The following CSGALNACT1 variants were observed in gnomAD, a reference collection of about 807,000 sequenced individuals.
CSGALNACT1 encodes chondroitin sulfate N-acetylgalactosaminyltransferase 1.
In CSGALNACT1, 52 loss-of-function variants were observed where a neutral mutation model predicts 51.0. The observed-to-expected ratio is 1.02, with a 90% CI of 0.82 to 1.29. The LOEUF is 1.29. Among genes scored for constraint, CSGALNACT1 ranks in the 50% most tolerant of loss-of-function variants. CSGALNACT1 has a pLI of 0.00. For missense variants in CSGALNACT1, 935 were observed against 679.2 expected, an observed-to-expected ratio of 1.38 and a Z score of -4.19; for synonymous variants, 341 against 254.4, an observed-to-expected ratio of 1.34 and a Z score of -3.24.
intron 1 of CSGALNACT1, among the ~76,000 whole-genome samples, chr8:19,673,158 C>A (rs2059920890): frequency 6.6e-6 from 1 of 152,204 alleles, no homozygotes; most frequent in East Asian, 1.9e-4. Context: ...CTGAGAAGGA[C>A]CCACACAGCC....
chr8:19,724,468 T>A (rs906803810), intron 1 of CSGALNACT1, among the ~76,000 whole-genome samples: 2 of 152,228 alleles, frequency 1.3e-5, no homozygotes, highest in Admixed American at 1.3e-4. Context: ...TCTGCCTTCA[T>A]CACCACCTCT....
intron 4 of CSGALNACT1, among the ~76,000 whole-genome samples, chr8:19,478,413 CAAAAAAAAAAAAAAA>C (rs55767885): frequency 1.4e-5 from 1 of 70,820 alleles, no homozygotes; most frequent in Non-Finnish European, 2.6e-5. Context: ...GACTCCGTCT[CAAAAAAAAAAAAAAA>C]AAAAAAAAAA....
At chr8:19,466,603 C>T (rs1019957569) in intron 4 of CSGALNACT1, among the ~76,000 whole-genome samples, 1 of 152,204 alleles carries the variant, frequency 6.6e-6, no homozygotes, top group Non-Finnish European at 1.5e-5. Context: ...ATAAATGAGA[C>T]ACTATTACAG....
intron 3 of CSGALNACT1, among the ~76,000 whole-genome samples, chr8:19,577,894 T>C (rs2044641501): frequency 6.6e-6 from 1 of 152,332 alleles, no homozygotes; most frequent in East Asian, 1.9e-4. Context: ...ACTATTGGCA[T>C]CACATCACAT....
intron 1 of CSGALNACT1, among the ~76,000 whole-genome samples, chr8:19,741,018 A>G (rs527372240): frequency 6.6e-5 from 10 of 152,370 alleles, no homozygotes; most frequent in Middle Eastern, 3.4e-3. Context: ...GAATGAGGTC[A>G]TGAACTCAAC....
intron 6 of CSGALNACT1, among the ~76,000 whole-genome samples, chr8:19,426,563 GCAGTTCCACTAA>G (rs1405202338): frequency 6.6e-6 from 1 of 152,136 alleles, no homozygotes; most frequent in Non-Finnish European, 1.5e-5. Flanking sequence ...AACTGAACGT[GCAGTTCCACTAA>G]CATCACATGA....
intron 1 of CSGALNACT1, among the ~76,000 whole-genome samples, chr8:19,641,409 T>G (rs551418715): frequency 6.6e-6 from 1 of 152,292 alleles, no homozygotes; most frequent in African/African-American, 2.4e-5. Context: ...CTGCTGAGAC[T>G]TGGAGCAGCA....
At chr8:19,495,500 A>T (rs2075296827) in intron 4 of CSGALNACT1, among the ~76,000 whole-genome samples, 1 of 152,302 alleles carries the variant, frequency 6.6e-6, no homozygotes, top group African/African-American at 2.4e-5. Context: ...TCTAACTTTG[A>T]AAGTCAGAAT....
Position 19,667,015 on chromosome 8 carries a change from GAAAGGAAGGAAGGAAGGAAGGAAGGAA to G in CSGALNACT1, c.-544+15431_-544+15457del, listed in dbSNP as rs1564386311. 9.2e-3 allele frequency among the ~76,000 whole-genome samples: 286 copies of G among 31,214 alleles called. 1 individual carries two copies. Among genetic ancestry groups the G allele is most frequent in the Non-Finnish European group, 0.011 (185 of 17,114 alleles). The allele number at this position is 31,214 out of a possible 152,430, so 20.5% of individuals were successfully genotyped here. ...AGAAAGAAAGAAAGAAAGAAAGAAA[GAAAGGAAGGAAGGAAGGAAGGAAGGAA>G]GAAAGAAAGAAAGAAAGAAAGAAAG... is the stretch of plus-strand genomic sequence containing the variant. On this transcript the variant is annotated intron_variant, in intron 1 of 9. Coordinates refer to the CSGALNACT1 transcript ENST00000332246.
chr8:19,409,500 TAGAGAGAGAG>T (rs61540555), intron 8 of CSGALNACT1, among the ~76,000 whole-genome samples: 196 of 139,970 alleles, frequency 1.4e-3, no homozygotes, highest in African/African-American at 4.9e-3. Context: ...TATATATATA[TAGAGAGAGAG>T]AGAGAGAGAG....
At chr8:19,704,277 C>T (rs1236028370) in intron 1 of CSGALNACT1, among the ~76,000 whole-genome samples, 5 of 152,054 alleles carry the variant, frequency 3.3e-5, no homozygotes, top group African/African-American at 7.2e-5. Flanking sequence ...CCTTCCAGGC[C>T]GATATTATAT....
At chr8:19,630,895 G>C (rs1180822310) in intron 1 of CSGALNACT1, among the ~76,000 whole-genome samples, 1 of 151,982 alleles carries the variant, frequency 6.6e-6, no homozygotes, top group Non-Finnish European at 1.5e-5. Context: ...CCTCCCTACA[G>C]TTTCCCCCTT....
intron 1 of CSGALNACT1, among the ~76,000 whole-genome samples, chr8:19,705,178 GTA>G (rs1490537867): frequency 1.3e-5 from 2 of 152,174 alleles, no homozygotes; most frequent in Non-Finnish European, 2.9e-5. Context: ...CACCTTAACT[GTA>G]TGTAATTTTT....
intron 1 of CSGALNACT1, among the ~76,000 whole-genome samples, chr8:19,728,390 ATTC>A (rs1384729370): frequency 6.6e-6 from 1 of 152,208 alleles, no homozygotes; most frequent in East Asian, 1.9e-4. Flanking sequence ...AATATCAAGC[ATTC>A]TTTGTGCAAT....
intron 1 of CSGALNACT1, among the ~76,000 whole-genome samples, chr8:19,638,710 G>C (rs1740913893): frequency 6.6e-6 from 1 of 152,066 alleles, no homozygotes; most frequent in Admixed American, 6.5e-5. Context: ...ATAGAATCCT[G>C]TTCTATAGTC....
intron 4 of CSGALNACT1, among the ~76,000 whole-genome samples, chr8:19,459,266 C>G (rs2064827278): frequency 6.6e-6 from 1 of 151,354 alleles, no homozygotes; most frequent in Non-Finnish European, 1.5e-5. Context: ...GCCTGTAACC[C>G]TGGCTACTTG....
At chr8:19,664,236 C>T (rs1351756434) in intron 1 of CSGALNACT1, among the ~76,000 whole-genome samples, 1 of 152,180 alleles carries the variant, frequency 6.6e-6, no homozygotes, top group Non-Finnish European at 1.5e-5. Context: ...ACTAGTTTTA[C>T]AGGATTGCAG....
At chr8:19,636,526 T>C (rs896983803) in intron 1 of CSGALNACT1, among the ~76,000 whole-genome samples, 8 of 152,292 alleles carry the variant, frequency 5.3e-5, no homozygotes, top group African/African-American at 1.7e-4. Flanking sequence ...GTGGACAGTT[T>C]TTTATATTCT....
chr8:19,494,598 C>T (rs553555989), intron 4 of CSGALNACT1, among the ~76,000 whole-genome samples: 4 of 152,282 alleles, frequency 2.6e-5, no homozygotes, highest in African/African-American at 7.2e-5. Context: ...ACTGAATATC[C>T]AAGTCTTTAA....
Sources: gnomAD v4.1 joint callset for allele counts (sites outside exome capture counted in the v4.1 genomes callset) on GRCh38, gnomAD v4.1.1 for gene constraint, MANE v1.5 for transcripts, NCBI Gene and HGNC (gene_info 2026-07-23, HGNC 2026-07-21) for gene names.